The following LCP2 variants were observed in gnomAD, a reference collection of about 807,000 sequenced individuals.
The protein encoded by LCP2 is 76 kDa tyrosine phosphoprotein.
A neutral mutation model predicts 74.5 loss-of-function variants in LCP2; 29 were observed. That is an observed-to-expected ratio of 0.39 (90% confidence interval 0.29 to 0.53). The LOEUF (loss-of-function observed/expected upper bound fraction) is 0.53. LCP2 is among the 20% of genes least tolerant of loss of function. The pLI is 0.72. For missense variants in LCP2, 604 were observed against 634.6 expected (o/e 0.95, Z 0.52); for synonymous variants, 228 against 229.5 (o/e 0.99, Z 0.06).
chr5:170,292,370 C>T (rs1175174777), intron 2 of LCP2, among the ~76,000 whole-genome samples: 1 of 152,044 alleles, frequency 6.6e-6, no homozygotes, highest in East Asian at 1.9e-4. Context: ...GTGGTGAGCT[C>T]ACCATCACTG....
chr5:170,269,823 T>G (rs570998845), intron 7 of LCP2, among the ~76,000 whole-genome samples: 1 of 152,344 alleles, frequency 6.6e-6, no homozygotes, highest in South Asian at 2.1e-4. Context: ...AACAACTGAC[T>G]CATCCATTGC....
At chr5:170,265,783 C>T (rs1326862464) in intron 10 of LCP2, among the ~76,000 whole-genome samples, 1 of 152,104 alleles carries the variant, frequency 6.6e-6, no homozygotes, top group East Asian at 1.9e-4. Flanking sequence ...AAGCTAAATG[C>T]CTTGCTCAGA....
At position 170,248,584 on chromosome 5, in the gene LCP2, T is replaced by C; in HGVS notation, c.*113A>G. ...TAAAGGAAAGGATAAAACCCTTGTG[T>C]TCATGGGGAGGGGTTCAGTTCAGTC... On this transcript the variant is annotated 3_prime_UTR_variant, in exon 21 of 21. Coordinates refer to ENST00000046794, the MANE Select transcript of LCP2 (RefSeq NM_005565.5). The C allele has an allele frequency of 9.1e-7, 1 of 1,098,234 alleles. No individual in the cohort carries two copies. The highest frequency in any genetic ancestry group is 2.5e-5 in the East Asian group (1 of 40,232). 68.0% of individuals were successfully genotyped at this position (1,098,234 alleles called of 1,614,324 possible). A position where few individuals can be genotyped will look rare whatever the true frequency, so the allele number is the denominator to read the frequency against.
At chr5:170,250,914 G>A in intron 19 of LCP2, 29 bp from the exon 20 acceptor site, 1 of 1,601,604 alleles carries the variant, frequency 6.2e-7, no homozygotes, top group Non-Finnish European at 8.5e-7. Context: ...GTTATTATGG[G>A]AGCAGTAAAA....
intron 14 of LCP2, among the ~76,000 whole-genome samples, chr5:170,260,260 G>A (rs1188178095): frequency 6.6e-6 from 1 of 152,230 alleles, no homozygotes; most frequent in Admixed American, 6.5e-5. Flanking sequence ...ATGAGGGGTT[G>A]TGAGTGTGCC....
Position 170,256,702 on chromosome 5 carries a change from A to G in LCP2, c.1101-127T>C. The G allele has an allele frequency of 1.4e-6, 1 of 709,688 alleles. No homozygotes were observed. The highest frequency in any genetic ancestry group is 2.6e-6 in the Non-Finnish European group (1 of 388,188). The allele number at this position is 709,688 out of a possible 1,614,324, so 44.0% of individuals were successfully genotyped here. A position where few individuals can be genotyped will look rare whatever the true frequency, so the allele number is the denominator to read the frequency against. On this transcript the variant is annotated intron_variant, in intron 16 of 20. Coordinates refer to ENST00000046794, the MANE Select transcript of LCP2 (RefSeq NM_005565.5). This position sits in a 1 kb window ranked among gnomAD's most constrained non-coding sequence, Gnocchi z 4.5. ...GGTATCACTTTCCCTGCTGCCCCCA[A>G]AACCATGGGGGCTGGGCACAGGGAC...
Position 170,261,031 on chromosome 5 carries a change from T to C in LCP2, c.957+76A>G, listed in dbSNP as rs766707746. 4.1e-5 allele frequency: 46 copies of C among 1,121,860 alleles called. No individual in the cohort carries two copies. The Admixed American group carries it at 7.9e-4, about 19-fold the overall frequency. 69.5% of individuals were successfully genotyped at this position (1,121,860 alleles called of 1,614,324 possible). On this transcript the variant is annotated intron_variant, in intron 14 of 20. Coordinates refer to ENST00000046794, the MANE Select transcript of LCP2 (RefSeq NM_005565.5). ...GGTTCTGGGCCAAGGCCAAGGTGGA[T>C]GGAGTCCCAACCTCCTAAGAGCCTA...
intron 8 of LCP2, 127 bp downstream of exon 8, chr5:170,268,258 A>C: frequency 6.1e-6 from 1 of 164,422 alleles, no homozygotes. Context: ...AGCCGAGGGA[A>C]AAGATTATAA....
At chr5:170,257,950 T>C in intron 16 of LCP2, 87 bp downstream of exon 16, 1 of 1,453,708 alleles carries the variant, frequency 6.9e-7, no homozygotes, top group Non-Finnish European at 9.6e-7. Flanking sequence ...CGTCATTTCC[T>C]TCTTTCTCAA....
At chr5:170,258,928 T>A in intron 14 of LCP2, 50 bp from the exon 15 acceptor site, 1 of 1,334,426 alleles carries the variant, frequency 7.5e-7, no homozygotes, top group Non-Finnish European at 1.0e-6. Flanking sequence ...CAAAATACAA[T>A]TCTTAAAATA....
At chr5:170,249,664 C>T (rs940910441) in intron 20 of LCP2, among the ~76,000 whole-genome samples, 1 of 152,084 alleles carries the variant, frequency 6.6e-6, no homozygotes, top group African/African-American at 2.4e-5. Flanking sequence ...CTCACTGCCA[C>T]CTTCACACTC....
At chr5:170,280,845 TAACAATAC>T in intron 3 of LCP2, among the ~76,000 whole-genome samples, 1 of 152,184 alleles carries the variant, frequency 6.6e-6, no homozygotes. Flanking sequence ...CCATCTCTGC[TAACAATAC>T]AAAAATTAGC....
intron 2 of LCP2, among the ~76,000 whole-genome samples, chr5:170,288,261 G>A (rs993160740): frequency 2.0e-5 from 3 of 148,824 alleles, no homozygotes; most frequent in Non-Finnish European, 4.4e-5. Context: ...GGTTTTATGT[G>A]AAATGCTCTG....
At chr5:170,297,404 T>C in intron 1 of LCP2, 130 bp downstream of exon 1, 1 of 731,102 alleles carries the variant, frequency 1.4e-6, no homozygotes, top group Non-Finnish European at 2.3e-6. Flanking sequence ...ACTCAACCAG[T>C]AAAGTTGCCA....
intron 2 of LCP2, among the ~76,000 whole-genome samples, chr5:170,289,633 C>CTTTCTTTCTTTCTT: frequency 9.7e-6 from 1 of 103,616 alleles, no homozygotes; most frequent in East Asian, 2.7e-4. Flanking sequence ...TTCTTTCTTT[C>CTTTCTTTCTTTCTT]TTTCTTTCTT....
chr5:170,258,287 A>T, intron 15 of LCP2, 121 bp from the exon 16 acceptor site: 1 of 1,005,914 alleles, frequency 9.9e-7, no homozygotes, highest in Non-Finnish European at 1.5e-6. Context: ...AATAAAGCAG[A>T]TCAGATGTAA....
rs563519552 is a variant in LCP2 at position 170,269,665 on chromosome 5, C to T, written c.523+1054G>A. Among the ~76,000 whole-genome samples the T allele has an allele frequency of 3.9e-4, 60 of 152,364 alleles. 1 individual carries two copies. Among genetic ancestry groups the T allele is most frequent in the African/African-American group, 1.4e-3 (57 of 41,584 alleles). On this transcript the variant is annotated intron_variant, in intron 7 of 20. Transcript: ENST00000046794. ...GGCAAACGCTCCAGCCTCATCTGTG[C>T]TTGTCTTCGTGCCTCTGTATCACGG...
chr5:170,258,896 A>T lies in LCP2; in HGVS notation c.958-18T>A, dbSNP rs768894854. 1.3e-6 allele frequency: 2 copies of T among 1,557,878 alleles called. No homozygotes were observed. Among genetic ancestry groups the T allele is most frequent in the African/African-American group, 1.4e-5 (1 of 73,898 alleles). The stretch of plus-strand genomic sequence containing the variant: ...TCTTCATCCTGGGAAGGGGAAGAAA[A>T]AAAAAGATATTAAGCTATCATCAAA... On this transcript the variant is annotated intron_variant, in intron 14 of 20. Coordinates refer to ENST00000046794, the MANE Select transcript of LCP2 (RefSeq NM_005565.5).
At position 170,260,144 on chromosome 5, in the gene LCP2, C is replaced by G. The variant is rs190086307; in HGVS notation, c.957+963G>C. Among the ~76,000 whole-genome samples the G allele has an allele frequency of 2.6e-5, 4 of 152,344 alleles. No homozygotes were observed. The East Asian group carries it at 7.7e-4, about 29-fold the overall frequency. ...GTCCTCCCTATCATTGAATGACCAG[C>G]ATAAATCTCACCTCCTCTAGGAAGT... is the stretch of plus-strand genomic sequence containing the variant. On this transcript the variant is annotated intron_variant, in intron 14 of 20. Coordinates refer to ENST00000046794, the MANE Select transcript of LCP2 (RefSeq NM_005565.5).
Sources: gnomAD v4.1 joint callset for allele counts (sites outside exome capture counted in the v4.1 genomes callset) on GRCh38, gnomAD v4.1.1 for gene constraint, Gnocchi (gnomAD v3.1) non-coding constraint, MANE v1.5 for transcripts, NCBI Gene and HGNC (gene_info 2026-07-23, HGNC 2026-07-21) for gene names.